Variants in SORCS3 observed in about 807,000 individuals in gnomAD.
The protein encoded by SORCS3 is VPS10 domain-containing receptor SorCS3.
Under a neutral mutation model 146.3 loss-of-function variants are expected in SORCS3, and 57 were observed. The observed-to-expected ratio is 0.39, with a 90% CI of 0.31 to 0.49. The LOEUF is 0.49. SORCS3 is among the 20% of genes least tolerant of loss of function. The probability of loss-of-function intolerance (pLI) is 0.92; values close to 1 mark genes in which losing one functional copy is unlikely to be tolerated. For missense variants in SORCS3, 1,341 were observed against 1,575.5 expected, an observed-to-expected ratio of 0.85 and a Z score of 2.52; for synonymous variants, 653 against 618.5, an observed-to-expected ratio of 1.06 and a Z score of -0.83.
chr10:104,881,830 C>T lies in SORCS3; in HGVS notation c.696-34003C>T, dbSNP rs572372793. On this transcript the variant is annotated intron_variant, in intron 2 of 26. Transcript: ENST00000369701. ...CTCCATCCCTAACTGGCCATGTGAC[C>T]TTGGAGAAGCCACTTTACTCTCTGG... 3.3e-3 allele frequency among the ~76,000 whole-genome samples: 509 copies of T among 152,296 alleles called. 2 individuals are homozygous for T. Among genetic ancestry groups the T allele is most frequent in the South Asian group, 0.018 (88 of 4,830 alleles).
At chr10:104,669,708 G>T (rs931862402) in intron 1 of SORCS3, among the ~76,000 whole-genome samples, 1 of 152,142 alleles carries the variant, frequency 6.6e-6, no homozygotes, top group Non-Finnish European at 1.5e-5. Flanking sequence ...TGGGTATATG[G>T]TATACCAGTA....
At chr10:104,767,016 A>G (rs1473072284) in intron 1 of SORCS3, among the ~76,000 whole-genome samples, 27 of 152,146 alleles carry the variant, frequency 1.8e-4, no homozygotes, top group Admixed American at 1.8e-3. Flanking sequence ...TTAGGTTTCT[A>G]ATGTTTCAGG....
chr10:105,111,465 AT>A (rs1278526111), intron 7 of SORCS3, among the ~76,000 whole-genome samples: 3 of 152,186 alleles, frequency 2.0e-5, no homozygotes, highest in African/African-American at 7.2e-5. Context: ...ACACCATCCT[AT>A]TCTCAGGAAG....
At chr10:104,825,608 G>A (rs2017925971) in intron 1 of SORCS3, among the ~76,000 whole-genome samples, 1 of 152,142 alleles carries the variant, frequency 6.6e-6, no homozygotes, top group Non-Finnish European at 1.5e-5. Flanking sequence ...TAATGGACAG[G>A]CAGAAAGGTA....
intron 1 of SORCS3, among the ~76,000 whole-genome samples, chr10:104,642,965 T>G (rs1442852500): frequency 6.6e-6 from 1 of 152,204 alleles, no homozygotes; most frequent in Non-Finnish European, 1.5e-5. Flanking sequence ...GGGCTCCCCC[T>G]ACCTCGCCGG....
intron 7 of SORCS3, 73 bp downstream of exon 7, chr10:105,105,588 G>A (rs1347099073): frequency 7.6e-6 from 8 of 1,058,154 alleles, no homozygotes; most frequent in African/African-American, 1.6e-5. Flanking sequence ...GAAAAGGAGG[G>A]TGGCTTTCCC....
chr10:104,916,069 C>A, intron 3 of SORCS3, 137 bp downstream of exon 3: 1 of 640,796 alleles, frequency 1.6e-6, no homozygotes, highest in Non-Finnish European at 2.8e-6. Flanking sequence ...ACTTCATAAA[C>A]GCTGTTTGTA....
rs529975217 is a variant in SORCS3, at chr10:104,972,670, A to G, written c.796-4665A>G. Among the ~76,000 whole-genome samples the G allele has an allele frequency of 3.3e-5, 5 of 151,982 alleles. No homozygotes were observed. The South Asian group carries it at 1.0e-3, about 32-fold the overall frequency. On this transcript the variant is annotated intron_variant, in intron 3 of 26. Coordinates refer to ENST00000369701, the MANE Select transcript of SORCS3 (RefSeq NM_014978.3). ...AGAGAGAGACAGAGAGAGAGAGATG[A>G]CTGTCCCAAGGACAGGAGACAGAAG...
intron 3 of SORCS3, among the ~76,000 whole-genome samples, chr10:104,940,226 ATATATATATATAT>A (rs1312914206): frequency 8.7e-4 from 30 of 34,486 alleles, no homozygotes; most frequent in African/African-American, 3.0e-3. Context: ...ATATATATAT[ATATATATATATAT>A]TTTTTTTTTT....
intron 4 of SORCS3, among the ~76,000 whole-genome samples, chr10:104,997,851 A>G (rs976083291): frequency 2.6e-5 from 4 of 152,166 alleles, no homozygotes; most frequent in Non-Finnish European, 4.4e-5. Flanking sequence ...ATAATGATGA[A>G]TCAATGAAGT....
chr10:104,651,707 CAA>C (rs990344049), intron 1 of SORCS3, among the ~76,000 whole-genome samples: 1 of 144,136 alleles, frequency 6.9e-6, no homozygotes. Flanking sequence ...GACTCCGTCT[CAA>C]AAAAAAAAAG....
chr10:104,885,546 C>T (rs1170641830), intron 2 of SORCS3, among the ~76,000 whole-genome samples: 1 of 152,120 alleles, frequency 6.6e-6, no homozygotes, highest in Non-Finnish European at 1.5e-5. Flanking sequence ...TAATGGTCAT[C>T]ATCTTTTTAA....
chr10:105,219,234 CA>C (rs972658537), intron 19 of SORCS3, among the ~76,000 whole-genome samples: 26 of 152,122 alleles, frequency 1.7e-4, no homozygotes, highest in African/African-American at 6.0e-4. Flanking sequence ...GGAAAAGGCT[CA>C]GGGGGCAAAG....
At chr10:104,753,900 C>T (rs762374566) in intron 1 of SORCS3, among the ~76,000 whole-genome samples, 23 of 152,176 alleles carry the variant, frequency 1.5e-4, no homozygotes, top group Non-Finnish European at 1.9e-4. Context: ...TCAGAAGCCT[C>T]AAATGTACTA....
At chr10:104,817,240 C>T (rs1439922564) in intron 1 of SORCS3, among the ~76,000 whole-genome samples, 1 of 152,094 alleles carries the variant, frequency 6.6e-6, no homozygotes, top group Non-Finnish European at 1.5e-5. Flanking sequence ...GGAAACTACC[C>T]CTTATTTAGT....
chr10:105,119,398 G>A (rs7071229), intron 7 of SORCS3, among the ~76,000 whole-genome samples: 73,606 of 152,004 alleles, frequency 0.48, 18,365 homozygotes, highest in Non-Finnish European at 0.54. Flanking sequence ...GGGAAATGTG[G>A]GGTGCGAGCC....
chr10:104,961,216 C>T (rs1359989157), intron 3 of SORCS3, among the ~76,000 whole-genome samples: 1 of 152,154 alleles, frequency 6.6e-6, no homozygotes, highest in African/African-American at 2.4e-5. Context: ...GCAACAAACG[C>T]CTTGGATGAT....
At position 105,137,993 on chromosome 10, in the gene SORCS3, A is replaced by G. The variant is rs74891260; in HGVS notation, c.1213-1404A>G. On this transcript the variant is annotated intron_variant, in intron 7 of 26. Coordinates refer to ENST00000369701, the MANE Select transcript of SORCS3 (RefSeq NM_014978.3). ...AAGGAAAAAGACTTCAGAGCAACCT[A>G]TTGATCTTAATATAGCAACACCCAC... Among the ~76,000 whole-genome samples the G allele has an allele frequency of 1.5e-3, 223 of 152,364 alleles. 2 individuals are homozygous for G. The East Asian group carries it at 0.036, about 25-fold the overall frequency.
At chr10:104,973,720 T>C (rs1425098484) in intron 3 of SORCS3, among the ~76,000 whole-genome samples, 1 of 150,068 alleles carries the variant, frequency 6.7e-6, no homozygotes, top group East Asian at 1.9e-4. Flanking sequence ...ATTTTAGTTA[T>C]TTCTTGCCTT....
Sources: allele counts gnomAD v4.1 joint callset (sites outside exome capture counted in the v4.1 genomes callset), GRCh38; gene constraint gnomAD v4.1.1; transcripts MANE v1.5; gene names NCBI Gene and HGNC (gene_info 2026-07-23, HGNC 2026-07-21).